Variants in DLG2 observed in about 807,000 individuals in gnomAD.
The protein encoded by DLG2 is disks large homolog 2.
DLG2 carries 45 observed loss-of-function variants against 132.5 expected under a neutral mutation model. That is an observed-to-expected ratio of 0.34 (90% confidence interval 0.27 to 0.44). The LOEUF is 0.44. Among genes scored for constraint, DLG2 ranks in the 20% least tolerant of loss-of-function variants. The pLI, the probability that DLG2 is intolerant of heterozygous loss-of-function variation, is 1.00. For missense variants in DLG2, 1,045 were observed against 1,196.9 expected (o/e 0.87, Z 1.87); for synonymous variants, 424 against 419.6 (o/e 1.01, Z -0.13).
chr11:84,267,739 C>A (rs746216635), intron 7 of DLG2, among the ~76,000 whole-genome samples: 13 of 152,146 alleles, frequency 8.5e-5, no homozygotes, highest in Non-Finnish European at 1.5e-4. Context: ...AGTTTCTCAC[C>A]TCCTTTTCTT....
intron 6 of DLG2, among the ~76,000 whole-genome samples, chr11:84,880,552 C>A (rs551842605): frequency 1.3e-5 from 2 of 152,172 alleles, no homozygotes; most frequent in Non-Finnish European, 2.9e-5. Flanking sequence ...AAATATATGG[C>A]CTTGCAGATG....
chr11:85,503,681 C>A (rs1166666493), intron 3 of DLG2, among the ~76,000 whole-genome samples: 1 of 152,040 alleles, frequency 6.6e-6, no homozygotes, highest in Admixed American at 6.6e-5. Context: ...CCTGTAATCC[C>A]AACACCTTGG....
At chr11:84,818,190 GA>G (rs1197789324) in intron 6 of DLG2, among the ~76,000 whole-genome samples, 1 of 151,992 alleles carries the variant, frequency 6.6e-6, no homozygotes, top group Admixed American at 6.6e-5. Flanking sequence ...AGAGGACAAT[GA>G]CTGGCAGGCA....
intron 7 of DLG2, among the ~76,000 whole-genome samples, chr11:84,485,989 A>C (rs1411758969): frequency 6.6e-6 from 1 of 152,164 alleles, no homozygotes; most frequent in East Asian, 1.9e-4. Context: ...TCCCGGTGTC[A>C]GGAAAGAGAA....
At chr11:83,574,262 T>TTAAAG (rs2096841713) in intron 19 of DLG2, among the ~76,000 whole-genome samples, 1 of 152,158 alleles carries the variant, frequency 6.6e-6, no homozygotes, top group Admixed American at 6.6e-5. Flanking sequence ...TATCAGCATG[T>TTAAAG]ACTGATTTTA....
chr11:83,624,763 T>C (rs1260403870), intron 19 of DLG2, among the ~76,000 whole-genome samples: 2 of 152,226 alleles, frequency 1.3e-5, no homozygotes, highest in Non-Finnish European at 2.9e-5. Flanking sequence ...TCATTATCCA[T>C]AACGATAAGT....
chr11:85,078,894 A>G (rs921135732), intron 6 of DLG2, among the ~76,000 whole-genome samples: 1 of 152,122 alleles, frequency 6.6e-6, no homozygotes, highest in Non-Finnish European at 1.5e-5. Flanking sequence ...AAAAGTATCT[A>G]AGACAGGTCT....
At chr11:84,641,130 G>A (rs149327130) in intron 6 of DLG2, among the ~76,000 whole-genome samples, 1 of 152,246 alleles carries the variant, frequency 6.6e-6, no homozygotes, top group East Asian at 1.9e-4. Flanking sequence ...TAACAGTACA[G>A]TAGTTAAGAG....
chr11:85,361,790 T>C (rs937732910), intron 3 of DLG2, among the ~76,000 whole-genome samples: 1 of 152,216 alleles, frequency 6.6e-6, no homozygotes, highest in African/African-American at 2.4e-5. Context: ...TTTGGGCTCC[T>C]TTTTCGTTCC....
intron 3 of DLG2, among the ~76,000 whole-genome samples, chr11:85,399,768 A>T (rs1165898764): frequency 6.6e-6 from 1 of 152,192 alleles, no homozygotes; most frequent in East Asian, 1.9e-4. Flanking sequence ...TACACCTTAT[A>T]CAAAAATTAA....
chr11:83,684,717 G>A (rs1053762670), intron 18 of DLG2, among the ~76,000 whole-genome samples: 2 of 152,008 alleles, frequency 1.3e-5, no homozygotes, highest in Non-Finnish European at 2.9e-5. Flanking sequence ...GCTTGGTCTC[G>A]AAGTCTTCTC....
chr11:85,269,856 T>A (rs1016712022), intron 4 of DLG2, among the ~76,000 whole-genome samples: 1 of 152,166 alleles, frequency 6.6e-6, no homozygotes, highest in East Asian at 1.9e-4. Flanking sequence ...TTATTTAAAT[T>A]TTCTGTATCT....
At chr11:84,209,344 C>T (rs530832694) in intron 8 of DLG2, among the ~76,000 whole-genome samples, 1 of 152,240 alleles carries the variant, frequency 6.6e-6, no homozygotes, top group African/African-American at 2.4e-5. Flanking sequence ...TTGTCACAGG[C>T]TGGAGGACTT....
Position 84,350,174 on chromosome 11 carries a change from TC to T in DLG2, c.520-98884del, listed in dbSNP as rs34820095. The stretch of plus-strand genomic sequence containing the variant: ...GCCTGGGCGACAGAGAGAGACTTCG[TC>T]CCCCCCCCCAAAAAAAAAAAAAAAA... On this transcript the variant is annotated intron_variant, in intron 7 of 27. Coordinates refer to ENST00000376104, the MANE Select transcript of DLG2 (RefSeq NM_001142699.3). 4.2e-3 allele frequency among the ~76,000 whole-genome samples: 343 copies of T among 81,960 alleles called. 5 individuals are homozygous for T. Among genetic ancestry groups the T allele is most frequent in the South Asian group, 0.022 (53 of 2,396 alleles). 53.8% of individuals were successfully genotyped at this position (81,960 alleles called of 152,430 possible).
chr11:85,394,033 A>G (rs1041876755), intron 3 of DLG2, among the ~76,000 whole-genome samples: 1 of 152,162 alleles, frequency 6.6e-6, no homozygotes, highest in Non-Finnish European at 1.5e-5. Context: ...ACCAAGCTCC[A>G]CCTGTTCCCC....
chr11:84,908,818 T>C (rs1017397564), intron 6 of DLG2, among the ~76,000 whole-genome samples: 1 of 149,670 alleles, frequency 6.7e-6, no homozygotes, highest in African/African-American at 2.5e-5. Flanking sequence ...GAAAGCATAT[T>C]TCAACATATA....
intron 6 of DLG2, among the ~76,000 whole-genome samples, chr11:84,562,405 C>A (rs2099430340): frequency 6.6e-6 from 1 of 152,134 alleles, no homozygotes; most frequent in African/African-American, 2.4e-5. Context: ...GAGTCCAATT[C>A]AAATTTCCAG....
chr11:85,562,196 G>GT (rs1232788730), intron 3 of DLG2, among the ~76,000 whole-genome samples: 14 of 151,848 alleles, frequency 9.2e-5, no homozygotes, highest in Non-Finnish European at 1.6e-4. Context: ...GGAGTAAAGT[G>GT]TAAGAGTCAT....
chr11:85,388,752 A>G (rs1259566441), intron 3 of DLG2, among the ~76,000 whole-genome samples: 1 of 152,108 alleles, frequency 6.6e-6, no homozygotes, highest in East Asian at 1.9e-4. Context: ...AGAAATAACA[A>G]TCACTGCAGT....
Sources: gnomAD v4.1 joint callset for allele counts (sites outside exome capture counted in the v4.1 genomes callset) on GRCh38, gnomAD v4.1.1 for gene constraint, MANE v1.5 for transcripts, NCBI Gene and HGNC (gene_info 2026-07-23, HGNC 2026-07-21) for gene names.